NAA40: variants seen among roughly 807,000 people sequenced by gnomAD.
NAA40 encodes N-alpha-acetyltransferase 40.
NAA40 carries 26 observed loss-of-function variants against 36.6 expected under a neutral mutation model. The ratio of observed to expected loss-of-function variants is 0.71; its 90% CI spans 0.52 to 0.98. The LOEUF is 0.98. Ranked by LOEUF, NAA40 falls within the 50% of genes least tolerant of loss-of-function variation. The pLI is 0.00. For missense variants in NAA40, 237 were observed against 306.5 expected, an observed-to-expected ratio of 0.77 and a Z score of 1.69; for synonymous variants, 129 against 108.4, an observed-to-expected ratio of 1.19 and a Z score of -1.18.
At chr11:63,943,077 G>C (rs1440626006) in intron 1 of NAA40, among the ~76,000 whole-genome samples, 1 of 152,184 alleles carries the variant, frequency 6.6e-6, no homozygotes, top group African/African-American at 2.4e-5. Context: ...GAGTAAGGGA[G>C]CTTGTACCTG....
chr11:63,946,326 A>G (rs776528932), intron 2 of NAA40: 9 of 244,690 alleles, frequency 3.7e-5, no homozygotes, highest in Admixed American at 1.0e-4. Flanking sequence ...TGATCCTCCC[A>G]CCTCAGCCTC....
chr11:63,954,641 C>A lies in NAA40; in HGVS notation c.*162C>A. On this transcript the variant is annotated 3_prime_UTR_variant, in exon 8 of 8. Transcript: ENST00000377793. ...GAACCCTGGGGAGAAGTGGTATCAG[C>A]TGCTCCTCCTCTCCTAGGAGACCAG... is the stretch of plus-strand genomic sequence containing the variant. The A allele has an allele frequency of 1.5e-6, 1 of 656,946 alleles. No homozygotes were observed. The highest frequency in any genetic ancestry group is 2.3e-6 in the Non-Finnish European group (1 of 429,160). 40.7% of individuals were successfully genotyped at this position (656,946 alleles called of 1,614,324 possible).
chr11:63,942,551 CTT>C (rs1465432562), intron 1 of NAA40, among the ~76,000 whole-genome samples: 2 of 152,196 alleles, frequency 1.3e-5, no homozygotes, highest in Non-Finnish European at 2.9e-5. Context: ...CCCGCACTCT[CTT>C]TTTTTGTACA....
chr11:63,945,373 C>T (rs148985367), intron 1 of NAA40, among the ~76,000 whole-genome samples: 64 of 152,314 alleles, frequency 4.2e-4, no homozygotes, highest in African/African-American at 1.4e-3. Context: ...AGATCTTTGT[C>T]TCCCAAAGCT....
intron 1 of NAA40, among the ~76,000 whole-genome samples, chr11:63,940,570 AAGG>A (rs1484899632): frequency 6.6e-6 from 1 of 152,216 alleles, no homozygotes; most frequent in Non-Finnish European, 1.5e-5. Context: ...GTAGATTGCT[AAGG>A]AGGTGTCTCC....
intron 1 of NAA40, 164 bp downstream of exon 1, chr11:63,939,266 C>G: frequency 2.3e-6 from 3 of 1,304,364 alleles, no homozygotes; most frequent in East Asian, 6.4e-5. Context: ...GGTCCCTACG[C>G]TAGGCCTAGC....
Position 63,954,497 on chromosome 11 carries a change from C to A in NAA40, c.*18C>A, listed in dbSNP as rs1298830265. On this transcript the variant is annotated 3_prime_UTR_variant, in exon 8 of 8. Transcript: ENST00000377793. ...GCCACTGAACTCTCAGAGCCACTTT[C>A]AAGTCACAATGCTCTCTCCTAAGGC... The A allele has an allele frequency of 7.6e-6, 12 of 1,583,814 alleles. No homozygotes were observed. Among genetic ancestry groups the A allele is most frequent in the Non-Finnish European group, 1.0e-5 (12 of 1,166,542 alleles).
intron 6 of NAA40, among the ~76,000 whole-genome samples, chr11:63,953,079 A>C (rs1942308430): frequency 2.1e-5 from 2 of 97,538 alleles, no homozygotes; most frequent in East Asian, 3.5e-4. Flanking sequence ...ACAGAGTTTC[A>C]CTCTTGTTGC....
rs924300920 is a variant in NAA40, at chr11:63,939,329, C to T, written c.6+227C>T. On this transcript the variant is annotated intron_variant, in intron 1 of 7. Coordinates refer to ENST00000377793, the MANE Select transcript of NAA40 (RefSeq NM_024771.4). ...CCGGGGCCCCACCCCCTCGGCGCCC[C>T]CAGCGTCACGCCCGCCCCTTCCTGC... 1.3e-5 allele frequency: 16 copies of T among 1,266,754 alleles called. 1 individual carries two copies. The East Asian group carries it at 4.9e-4, about 39-fold the overall frequency. 78.5% of individuals were successfully genotyped at this position (1,266,754 alleles called of 1,614,324 possible). A position where few individuals can be genotyped will look rare whatever the true frequency, so the allele number is the denominator to read the frequency against.
chr11:63,952,732 C>A, intron 5 of NAA40, 24 bp from the exon 6 acceptor site: 1 of 1,613,616 alleles, frequency 6.2e-7, no homozygotes, highest in South Asian at 1.1e-5. Flanking sequence ...CCTGCACGCT[C>A]ACCTCTCTGC....
intron 5 of NAA40, 62 bp from the exon 6 acceptor site, chr11:63,952,694 C>G: frequency 6.2e-7 from 1 of 1,602,880 alleles, no homozygotes; most frequent in Non-Finnish European, 8.5e-7. Flanking sequence ...GCTCCTCTGC[C>G]AGACCTTACA....
chr11:63,950,514 G>A (rs958112972), intron 3 of NAA40, among the ~76,000 whole-genome samples: 2 of 151,568 alleles, frequency 1.3e-5, no homozygotes, highest in Non-Finnish European at 2.9e-5. Context: ...CCAGGCTGGA[G>A]TACAATGGCA....
intron 1 of NAA40, chr11:63,939,554 C>T (rs1197784460): frequency 2.1e-6 from 2 of 931,718 alleles, no homozygotes; most frequent in Non-Finnish European, 2.6e-6. Flanking sequence ...TCGGGGGCGT[C>T]AGACCCCACC....
intron 3 of NAA40, among the ~76,000 whole-genome samples, chr11:63,949,396 A>G (rs1942239750): frequency 1.3e-5 from 2 of 152,112 alleles, no homozygotes; most frequent in Non-Finnish European, 1.5e-5. Flanking sequence ...TAGTGTACCC[A>G]TCACCCAAAT....
At chr11:63,948,768 C>A (rs114977339) in intron 3 of NAA40, among the ~76,000 whole-genome samples, 1 of 151,808 alleles carries the variant, frequency 6.6e-6, no homozygotes, top group African/African-American at 2.4e-5. Context: ...CTATGTTGCC[C>A]GGGCTGGTCT....
chr11:63,939,296 C>T (rs556151763), intron 1 of NAA40, 194 bp downstream of exon 1: 52 of 1,269,716 alleles, frequency 4.1e-5, no homozygotes, highest in Non-Finnish European at 5.0e-5. Context: ...CTCTGGAGAG[C>T]CCCTGGTCCG....
intron 2 of NAA40, chr11:63,946,532 T>C: frequency 8.7e-7 from 1 of 1,148,048 alleles, no homozygotes; most frequent in Non-Finnish European, 1.1e-6. Flanking sequence ...TCCCATTTTT[T>C]GGTCATTCTT....
rs568792779 is a variant in NAA40 at position 63,955,632 on chromosome 11, G to A, written c.*1153G>A. ...CGTGGCCCAGCCGGGCCATAGCTCA[G>A]GCTGCAGCAGAAATGCCTCTCAGTG... is the stretch of plus-strand genomic sequence containing the variant. On this transcript the variant is annotated 3_prime_UTR_variant, in exon 8 of 8. Coordinates refer to ENST00000377793, the MANE Select transcript of NAA40 (RefSeq NM_024771.4). 3 of 152,766 alleles carry A rather than the reference G, an allele frequency of 2.0e-5. No individual in the cohort carries two copies. The highest frequency in any genetic ancestry group is 4.4e-5 in the Non-Finnish European group (3 of 68,086). The allele number at this position is 152,766 out of a possible 1,614,324, so 9.5% of individuals were successfully genotyped here.
intron 2 of NAA40, chr11:63,946,649 C>A: frequency 1.2e-5 from 17 of 1,376,530 alleles, no homozygotes; most frequent in Non-Finnish European, 1.6e-5. Context: ...GATCAGGTAG[C>A]CTCTTCTTTG....
Sources: gnomAD v4.1 joint callset for allele counts (sites outside exome capture counted in the v4.1 genomes callset) on GRCh38, gnomAD v4.1.1 for gene constraint, MANE v1.5 for transcripts, NCBI Gene and HGNC (gene_info 2026-07-23, HGNC 2026-07-21) for gene names.